PHF20L1: variants seen among roughly 807,000 people sequenced by gnomAD.
PHF20L1 encodes PHD finger protein 20 like 1.
In PHF20L1, 44 loss-of-function variants were observed where a neutral mutation model predicts 125.5. The ratio of observed to expected loss-of-function variants is 0.35; its 90% CI spans 0.28 to 0.45. The LOEUF (loss-of-function observed/expected upper bound fraction) is 0.45, where lower values mean the gene tolerates loss of function less well. Among genes scored for constraint, PHF20L1 ranks in the 20% least tolerant of loss-of-function variants. The probability of loss-of-function intolerance (pLI) is 1.00; values close to 1 mark genes in which losing one functional copy is unlikely to be tolerated. For missense variants in PHF20L1, 1,012 were observed against 1,217.2 expected, an observed-to-expected ratio of 0.83 and a Z score of 2.51; for synonymous variants, 380 against 403.1, an observed-to-expected ratio of 0.94 and a Z score of 0.69.
rs758238154 is a variant in PHF20L1, at chr8:132,817,461, A to G, written c.1495A>G (p.Arg499Gly). The G allele has an allele frequency of 1.9e-6, 3 of 1,612,624 alleles. No individual in the cohort carries two copies. Among genetic ancestry groups the G allele is most frequent in the East Asian group, 2.2e-5 (1 of 44,810 alleles). ...SDSSYRNECP[R>G]AEKEDTQMLP... ...TTCCTCTTACCGTAATGAATGTCCCAGGGCAGAAAAAGAGGATACACAGAT... is the reference window on the plus strand; with the variant it reads ...TTCCTCTTACCGTAATGAATGTCCCGGGGCAGAAAAAGAGGATACACAGAT... The change falls in exon 12 of 21, where the codon AGG becomes GGG. Residue 499 changes from arginine to glycine, a missense_variant. This residue lies in a region of PHF20L1 where 320 missense variants were observed against 293.8 expected (regional missense o/e 1.09). Coordinates refer to ENST00000395386, the MANE Select transcript of PHF20L1 (RefSeq NM_016018.5).
intron 2 of PHF20L1, among the ~76,000 whole-genome samples, chr8:132,782,772 CT>C (rs201732108): frequency 2.3e-3 from 325 of 141,680 alleles, no homozygotes; most frequent in Non-Finnish European, 2.4e-3. Context: ...TTTTCTTTTT[CT>C]TTTTTTTTTT....
chr8:132,834,977 AAAGT>A (rs1247124391), intron 15 of PHF20L1, among the ~76,000 whole-genome samples: 2 of 152,264 alleles, frequency 1.3e-5, no homozygotes, highest in Admixed American at 1.3e-4. Context: ...AATGAAGAAA[AAAGT>A]AAGCAAGATT....
Position 132,842,535 on chromosome 8 carries a change from T to C in PHF20L1, c.2408T>C (p.Leu803Pro), listed in dbSNP as rs1397632820. The C allele has an allele frequency of 6.2e-7, 1 of 1,605,474 alleles. No homozygotes were observed. The highest frequency in any genetic ancestry group is 1.3e-5 in the African/African-American group (1 of 74,084). ...GILKNKHHPD[L>P]HLWACSGKRK... ...TTAAGGAATAAACATCATCCTGACC[T>C]TCATCTCTGGGCTTGTTCCGGGAAG... The change falls in exon 19 of 21, where the codon CTT (leucine) becomes CCT (proline). Residue 803 changes from leucine to proline, a missense_variant. Coordinates refer to ENST00000395386, the MANE Select transcript of PHF20L1 (RefSeq NM_016018.5).
At chr8:132,779,893 G>A (rs542758441) in intron 2 of PHF20L1, among the ~76,000 whole-genome samples, 23 of 152,152 alleles carry the variant, frequency 1.5e-4, no homozygotes, top group Admixed American at 8.5e-4. Context: ...TTATTTGAGC[G>A]GTGTCATGCA....
chr8:132,820,654 A>G (rs531858665), intron 12 of PHF20L1, among the ~76,000 whole-genome samples: 15 of 152,054 alleles, frequency 9.9e-5, no homozygotes, highest in East Asian at 9.7e-4. Flanking sequence ...TTTCATCTAT[A>G]TGATGAGATT....
At chr8:132,822,384 C>G (rs1437845965) in intron 12 of PHF20L1, among the ~76,000 whole-genome samples, 3 of 151,922 alleles carry the variant, frequency 2.0e-5, no homozygotes, top group Non-Finnish European at 4.4e-5. Context: ...GTCCCCACTC[C>G]AGGAGATTCT....
chr8:132,827,589 T>G (rs1228585245), intron 14 of PHF20L1, among the ~76,000 whole-genome samples: 6 of 151,844 alleles, frequency 4.0e-5, no homozygotes, highest in Admixed American at 1.3e-4. Context: ...GGCCCACACT[T>G]GGTAGCAAAA....
chr8:132,820,797 C>T (rs1318987111), intron 12 of PHF20L1, among the ~76,000 whole-genome samples: 1 of 151,896 alleles, frequency 6.6e-6, no homozygotes, highest in East Asian at 1.9e-4. Flanking sequence ...TGCTTAAAAA[C>T]GTCAATTAAG....
rs772812978 is a variant in PHF20L1, at chr8:132,844,311, A to C, written c.2904A>C (p.Glu968Asp). Residue 968 changes from glutamate (E) to aspartate (D), a missense_variant, in exon 20 of 21, where the codon GAA becomes GAC. Glu to Asp is a conservative substitution (Grantham distance 45, BLOSUM62 2). Around this residue, in one of 7 missense-constraint regions of PHF20L1, gnomAD observed 277 missense variants for 283.6 expected, o/e 0.98. Transcript: ENST00000395386. ...VTSRMDLIEK[E>D]VDVLESWLDF... ...GCAGGATGGACCTAATAGAAAAAGA[A>C]GTCGATGGTAATTTAAGAAAGAACT... The C allele has an allele frequency of 6.2e-7, 1 of 1,602,912 alleles. No individual in the cohort carries two copies. Among genetic ancestry groups the C allele is most frequent in the South Asian group, 1.1e-5 (1 of 89,700 alleles).
At chr8:132,782,155 G>A (rs1176098637) in intron 2 of PHF20L1, among the ~76,000 whole-genome samples, 3 of 152,176 alleles carry the variant, frequency 2.0e-5, no homozygotes, top group Non-Finnish European at 4.4e-5. Context: ...GAATAAAAAT[G>A]AGTATAGGTG....
At chr8:132,815,749 T>C (rs1432192088) in intron 10 of PHF20L1, 1 of 151,932 alleles carries the variant, frequency 6.6e-6, no homozygotes, top group African/African-American at 2.4e-5. Flanking sequence ...TGCCATATTT[T>C]CTACTGAATC....
chr8:132,843,862 A>T (rs1838186748), intron 19 of PHF20L1: 1 of 985,124 alleles, frequency 1.0e-6, no homozygotes, highest in South Asian at 4.7e-5. Flanking sequence ...TTAATCAGGA[A>T]TTCTAATTAC....
chr8:132,786,451 G>A (rs1831037530), intron 2 of PHF20L1, among the ~76,000 whole-genome samples: 1 of 152,014 alleles, frequency 6.6e-6, no homozygotes, highest in East Asian at 1.9e-4. Flanking sequence ...TTGTATATGA[G>A]AGATTAAAAG....
At chr8:132,835,648 T>A (rs1037720419) in intron 15 of PHF20L1, among the ~76,000 whole-genome samples, 1 of 152,114 alleles carries the variant, frequency 6.6e-6, no homozygotes, top group Non-Finnish European at 1.5e-5. Context: ...AATCTAAAAA[T>A]ATATTTTTAC....
chr8:132,839,009 A>G (rs946333592), intron 17 of PHF20L1, among the ~76,000 whole-genome samples: 24 of 152,178 alleles, frequency 1.6e-4, no homozygotes, highest in Non-Finnish European at 2.6e-4. Flanking sequence ...CTAGAACTCT[A>G]TGGTTCATCC....
At chr8:132,809,521 G>T (rs893373499) in intron 8 of PHF20L1, 1 of 151,904 alleles carries the variant, frequency 6.6e-6, no homozygotes, top group South Asian at 2.1e-4. Flanking sequence ...ACTTCTTTAG[G>T]GTAGCTGTCT....
At chr8:132,824,787 T>C (rs1052599766) in intron 13 of PHF20L1, 1 of 189,376 alleles carries the variant, frequency 5.3e-6, no homozygotes, top group Non-Finnish European at 1.1e-5. Flanking sequence ...ACAAAGAATG[T>C]AAATAAAGAC....
intron 14 of PHF20L1, among the ~76,000 whole-genome samples, chr8:132,830,709 A>G (rs1836677427): frequency 6.6e-6 from 1 of 152,074 alleles, no homozygotes; most frequent in Admixed American, 6.6e-5. Context: ...AGCCTCTATT[A>G]AAATGGAGGG....
At chr8:132,811,875 T>G in intron 9 of PHF20L1, 3 of 977,648 alleles carry the variant, frequency 3.1e-6, no homozygotes, top group Non-Finnish European at 3.6e-6. Context: ...AGTTTTAATA[T>G]ATCCTTTTTG....
Sources: gnomAD v4.1 joint callset for allele counts (sites outside exome capture counted in the v4.1 genomes callset) on GRCh38, gnomAD v4.1.1 for gene constraint, gnomAD v4.1.1 regional missense constraint, MANE v1.5 for transcripts, NCBI Gene and HGNC (gene_info 2026-07-23, HGNC 2026-07-21) for gene names.